VWA2: variants seen among roughly 807,000 people sequenced by gnomAD.
The protein encoded by VWA2 is von Willebrand factor A domain containing 2.
In VWA2, 73 loss-of-function variants were observed where a neutral mutation model predicts 70.4. That is an observed-to-expected ratio of 1.04 (90% confidence interval 0.86 to 1.26). The LOEUF (loss-of-function observed/expected upper bound fraction) is 1.26, where lower values mean the gene tolerates loss of function less well. Ranked by LOEUF, VWA2 falls within the 50% of genes most tolerant of loss-of-function variation. VWA2 has a pLI of 0.00. For synonymous variants in VWA2, 407 were observed against 423.3 expected (o/e 0.96, Z 0.47); for missense variants, 1,011 against 998.5 (o/e 1.01, Z -0.17).
chr10:114,273,002 G>A (rs2037746410), intron 6 of VWA2, 68 bp downstream of exon 6: 1 of 1,401,874 alleles, frequency 7.1e-7, no homozygotes, highest in Non-Finnish European at 9.7e-7. Flanking sequence ...ATGGCCATGG[G>A]AGGGAAGGGA....
At chr10:114,285,372 G>T (rs1426179093) in intron 10 of VWA2, among the ~76,000 whole-genome samples, 1 of 152,246 alleles carries the variant, frequency 6.6e-6, no homozygotes, top group African/African-American at 2.4e-5. Flanking sequence ...GAAGATGATA[G>T]TAGGCTTTAC....
Position 114,253,672 on chromosome 10 carries a change from A to T in VWA2, c.74A>T (p.Gln25Leu). 1 of 1,612,148 alleles carries T rather than the reference A, an allele frequency of 6.2e-7. No individual in the cohort carries two copies. Among genetic ancestry groups the T allele is most frequent in the Middle Eastern group, 1.7e-4 (1 of 6,058 alleles). ...CTAGTGCCCCCATCTCTCCCTCTCC[A>T]GGAAGTCCATGTAAGCAAAGAAACC... The part of the protein sequence containing the change: ...FSRVPPSLPL[Q>L]EVHVSKETIG... The change falls in exon 3 of 14, where the codon CAG becomes CTG. Residue 25 changes from glutamine (Q) to leucine (L), a missense_variant. By Grantham distance (113) the Gln-to-Leu change is moderately radical (BLOSUM62 -2). Coordinates refer to ENST00000392982, the MANE Select transcript of VWA2 (RefSeq NM_001272046.2).
chr10:114,283,052 G>A (rs1040315059), intron 9 of VWA2, among the ~76,000 whole-genome samples: 2 of 152,150 alleles, frequency 1.3e-5, no homozygotes, highest in Non-Finnish European at 2.9e-5. Context: ...CCAAATTAAC[G>A]TGAGGAATCA....
chr10:114,281,868 C>G, intron 8 of VWA2: 1 of 473,250 alleles, frequency 2.1e-6, no homozygotes, highest in South Asian at 9.0e-5. Flanking sequence ...GGTCACACAG[C>G]CAAAATCCAG....
At chr10:114,264,942 A>G (rs1376495276) in intron 5 of VWA2, among the ~76,000 whole-genome samples, 2 of 138,118 alleles carry the variant, frequency 1.4e-5, no homozygotes, top group African/African-American at 2.8e-5. Context: ...CTGGTCTCGA[A>G]CTCCTGACCT....
Position 114,253,723 on chromosome 10 carries a change from AAAGT to A in VWA2, c.127+2_127+5del. 6.2e-7 allele frequency: 1 copy of A among 1,612,248 alleles called. No individual in the cohort carries two copies. Among genetic ancestry groups the A allele is most frequent in the African/African-American group, 1.3e-5 (1 of 75,000 alleles). On this transcript the variant is annotated splice_donor_variant and coding_sequence_variant, in exon 3 of 14. Coordinates refer to ENST00000392982, the MANE Select transcript of VWA2 (RefSeq NM_001272046.2). LOFTEE classifies it high-confidence loss of function. ...ATCGGGAAGATTTCAGCTGCCAGCA[AAAGT>A]AAGCCCAGGTTCTTCTTAACCCTCC... is the stretch of plus-strand genomic sequence containing the variant.
chr10:114,282,974 C>G (rs537296758), intron 9 of VWA2, among the ~76,000 whole-genome samples: 1 of 152,262 alleles, frequency 6.6e-6, no homozygotes, highest in South Asian at 2.1e-4. Flanking sequence ...AGGGGGTCAT[C>G]GTATATGAGG....
At chr10:114,248,534 G>T (rs1313078252) in intron 1 of VWA2, among the ~76,000 whole-genome samples, 170 bp from the exon 2 acceptor site, 2 of 152,188 alleles carry the variant, frequency 1.3e-5, no homozygotes, top group Admixed American at 1.3e-4. Context: ...TTGGAGTAAA[G>T]TCTTCCATGA....
intron 5 of VWA2, 25 bp downstream of exon 5, chr10:114,261,320 G>C (rs961262142): frequency 8.8e-6 from 14 of 1,590,218 alleles, no homozygotes; most frequent in Non-Finnish European, 1.0e-5. Context: ...ATACTGCTGT[G>C]GTTAGGGTGA....
chr10:114,280,159 G>T (rs1252428799), intron 8 of VWA2, among the ~76,000 whole-genome samples: 1 of 152,298 alleles, frequency 6.6e-6, no homozygotes, highest in Middle Eastern at 3.4e-3. Context: ...GATTTAATAG[G>T]TAGATGTGTT....
In VWA2 at chr10:114,292,445, CTA is replaced by C. The variant is rs1426540136; in HGVS notation, c.*1209_*1210del. 6.6e-6 allele frequency among the ~76,000 whole-genome samples: 1 copy of C among 151,678 alleles called. No individual in the cohort carries two copies. The highest frequency in any genetic ancestry group is 1.5e-5 in the Non-Finnish European group (1 of 67,966). On this transcript the variant is annotated 3_prime_UTR_variant, in exon 14 of 14. Transcript: ENST00000392982. The stretch of plus-strand genomic sequence containing the variant: ...TTTTAAAGCATTGATCTTACGCTGT[CTA>C]GGTTTTAATTTTGTTTTGCTTTGCT...
At chr10:114,276,405 G>A (rs2133372568) in intron 6 of VWA2, among the ~76,000 whole-genome samples, 1 of 152,348 alleles carries the variant, frequency 6.6e-6, no homozygotes, top group South Asian at 2.1e-4. Context: ...CCTGCCTTCA[G>A]TGACTCTGAT....
At chr10:114,261,377 C>A in intron 5 of VWA2, 82 bp downstream of exon 5, 2 of 1,135,940 alleles carry the variant, frequency 1.8e-6, no homozygotes, top group Non-Finnish European at 2.6e-6. Context: ...TGGTCCTGCT[C>A]TGGGCTCACA....
At chr10:114,282,154 C>G (rs1326846815) in intron 8 of VWA2, among the ~76,000 whole-genome samples, 2 of 152,088 alleles carry the variant, frequency 1.3e-5, no homozygotes, top group Non-Finnish European at 2.9e-5. Context: ...CAGGCACATG[C>G]CACCACGCCC....
rs1030867077 is a variant in VWA2 at position 114,293,379 on chromosome 10, C to T, written c.*2142C>T. 6.6e-6 allele frequency among the ~76,000 whole-genome samples: 1 copy of T among 152,084 alleles called. No individual in the cohort carries two copies. Among genetic ancestry groups the T allele is most frequent in the African/African-American group, 2.4e-5 (1 of 41,386 alleles). On this transcript the variant is annotated 3_prime_UTR_variant, in exon 14 of 14. Coordinates refer to ENST00000392982, the MANE Select transcript of VWA2 (RefSeq NM_001272046.2). ...CTTGTTCCGGGCTGGTATTTGGGTG[C>T]CCTGATTGAATTACTTGGATTTAAA...
intron 5 of VWA2, among the ~76,000 whole-genome samples, chr10:114,264,084 A>T (rs941770159): frequency 1.9e-4 from 29 of 152,224 alleles, no homozygotes; most frequent in Non-Finnish European, 4.3e-4. Flanking sequence ...GCCACATTGG[A>T]AAAAGGTTTG....
chr10:114,244,524 A>T (rs1281420443), intron 1 of VWA2, among the ~76,000 whole-genome samples: 1 of 152,166 alleles, frequency 6.6e-6, no homozygotes, highest in Non-Finnish European at 1.5e-5. Context: ...GGCTGCGAGG[A>T]TTAGGAGAGA....
rs2039862690 is a variant in VWA2 at position 114,294,216 on chromosome 10, G to C, written c.*2979G>C. 6.6e-6 allele frequency among the ~76,000 whole-genome samples: 1 copy of C among 152,072 alleles called. No homozygotes were observed. The highest frequency in any genetic ancestry group is 2.4e-5 in the African/African-American group (1 of 41,424). On this transcript the variant is annotated 3_prime_UTR_variant, in exon 14 of 14. Transcript: ENST00000392982. ...CTTATTTCAGATTCTTTTAATCTGT[G>C]TCCAACAATGAGATTTGTTTTCTTT... is the stretch of plus-strand genomic sequence containing the variant.
intron 8 of VWA2, chr10:114,280,678 A>G (rs985391593): frequency 3.9e-5 from 6 of 152,222 alleles, no homozygotes; most frequent in African/African-American, 1.4e-4. Flanking sequence ...TGAGGTCACT[A>G]GGATAGACAT....
Sources: gnomAD v4.1 joint callset for allele counts (sites outside exome capture counted in the v4.1 genomes callset) on GRCh38, gnomAD v4.1.1 for gene constraint, MANE v1.5 for transcripts, NCBI Gene and HGNC (gene_info 2026-07-23, HGNC 2026-07-21) for gene names.